Variants in SEMA5A observed in about 807,000 individuals in gnomAD.
SEMA5A encodes the protein semaphorin-5A.
A neutral mutation model predicts 135.5 loss-of-function variants in SEMA5A; 55 were observed. The ratio of observed to expected loss-of-function variants is 0.41; its 90% CI spans 0.33 to 0.51. The LOEUF is 0.51. Among genes scored for constraint, SEMA5A ranks in the 20% least tolerant of loss-of-function variants. The pLI, the probability that SEMA5A is intolerant of heterozygous loss-of-function variation, is 0.37. For synonymous variants in SEMA5A, 580 were observed against 546.5 expected, an observed-to-expected ratio of 1.06 and a Z score of -0.85; for missense variants, 1,290 against 1,419.9, an observed-to-expected ratio of 0.91 and a Z score of 1.47.
intron 1 of SEMA5A, among the ~76,000 whole-genome samples, chr5:9,475,782 C>A (rs1489214087): frequency 2.0e-5 from 3 of 152,098 alleles, no homozygotes; most frequent in Admixed American, 2.0e-4. Flanking sequence ...AAGCAAAGAA[C>A]CTGGCAATTA....
chr5:9,216,072 T>C (rs1240990601), intron 8 of SEMA5A, among the ~76,000 whole-genome samples: 2 of 152,240 alleles, frequency 1.3e-5, no homozygotes, highest in African/African-American at 4.8e-5. Flanking sequence ...TTCTTTCCAT[T>C]GTGATGGTAA....
At chr5:9,203,831 T>C (rs1454786931) in intron 8 of SEMA5A, among the ~76,000 whole-genome samples, 1 of 152,176 alleles carries the variant, frequency 6.6e-6, no homozygotes, top group Non-Finnish European at 1.5e-5. Flanking sequence ...AAAAAAAAAC[T>C]TGAATTGCAT....
intron 6 of SEMA5A, among the ~76,000 whole-genome samples, chr5:9,236,917 TAA>T (rs908723772): frequency 6.6e-6 from 1 of 151,732 alleles, no homozygotes; most frequent in African/African-American, 2.4e-5. Context: ...TGAAATTGGG[TAA>T]AAAAAAGGTA....
intron 5 of SEMA5A, among the ~76,000 whole-genome samples, chr5:9,301,566 T>C (rs1244384009): frequency 1.3e-5 from 2 of 152,098 alleles, no homozygotes; most frequent in African/African-American, 4.8e-5. Flanking sequence ...TTGGAAAGAC[T>C]CCATATGGTG....
chr5:9,273,821 C>A (rs1042872502), intron 5 of SEMA5A, among the ~76,000 whole-genome samples: 8 of 152,050 alleles, frequency 5.3e-5, no homozygotes, highest in Admixed American at 4.6e-4. Context: ...GCCTGCCCTA[C>A]AAGAGCTCCT....
At chr5:9,123,138 C>A (rs2150186859) in intron 13 of SEMA5A, among the ~76,000 whole-genome samples, 2 of 151,138 alleles carry the variant, frequency 1.3e-5, no homozygotes, top group South Asian at 2.1e-4. Flanking sequence ...CCTGTAGTCC[C>A]AGCTACTCAG....
At position 9,131,680 on chromosome 5, in the gene SEMA5A, C is replaced by T. The variant is rs139007916; in HGVS notation, c.1599+4824G>A. On this transcript the variant is annotated intron_variant, in intron 13 of 22. Coordinates refer to ENST00000382496, the MANE Select transcript of SEMA5A (RefSeq NM_003966.3). ...AAAACCTGTCATGTGAGCAATAGAG[C>T]AAGAATGCAGTCATTACTGAAGAGA... is the stretch of plus-strand genomic sequence containing the variant. Among the ~76,000 whole-genome samples, 45 of 120,714 alleles carry T rather than the reference C, an allele frequency of 3.7e-4. 1 individual carries two copies. The highest frequency in any genetic ancestry group is 1.4e-3 in the African/African-American group (42 of 29,242). The allele number at this position is 120,714 out of a possible 152,430, so 79.2% of individuals were successfully genotyped here.
intron 1 of SEMA5A, among the ~76,000 whole-genome samples, chr5:9,501,173 A>T (rs1268300438): frequency 2.0e-5 from 3 of 152,256 alleles, no homozygotes; most frequent in Non-Finnish European, 4.4e-5. Flanking sequence ...TTGGATAACA[A>T]AACACCACAG....
intron 3 of SEMA5A, among the ~76,000 whole-genome samples, chr5:9,357,135 T>TA (rs1327068357): frequency 1.3e-5 from 2 of 152,220 alleles, no homozygotes; most frequent in Non-Finnish European, 2.9e-5. Flanking sequence ...GGCAAGCCAT[T>TA]AAAAATCTCA....
At chr5:9,410,884 A>G (rs1462481708) in intron 2 of SEMA5A, among the ~76,000 whole-genome samples, 1 of 152,038 alleles carries the variant, frequency 6.6e-6, no homozygotes, top group Non-Finnish European at 1.5e-5. Context: ...AAAAAAAAAA[A>G]AGACATTCAA....
intron 3 of SEMA5A, among the ~76,000 whole-genome samples, chr5:9,353,105 A>AGGGAAGGGAAGGGAAG (rs1407226362): frequency 2.9e-5 from 1 of 34,182 alleles, no homozygotes; most frequent in African/African-American, 1.3e-4. Context: ...AAGGAAGGAA[A>AGGGAAGGGAAGGGAAG]GGAAAGGAAA....
chr5:9,270,925 A>G (rs1749941520), intron 5 of SEMA5A, among the ~76,000 whole-genome samples: 1 of 152,078 alleles, frequency 6.6e-6, no homozygotes. Context: ...TGCTAAAAAT[A>G]GGTTTTATAT....
chr5:9,118,727 C>A (rs1484124828), intron 15 of SEMA5A, among the ~76,000 whole-genome samples: 1 of 152,154 alleles, frequency 6.6e-6, no homozygotes, highest in African/African-American at 2.4e-5. Flanking sequence ...CCTAGCACAG[C>A]ACAGAGGTTC....
intron 5 of SEMA5A, among the ~76,000 whole-genome samples, chr5:9,279,062 A>G (rs935966470): frequency 1.8e-4 from 27 of 152,098 alleles, no homozygotes; most frequent in African/African-American, 6.0e-4. Flanking sequence ...AACAACTTGC[A>G]CTGTGTGTCT....
intron 5 of SEMA5A, among the ~76,000 whole-genome samples, chr5:9,272,396 G>A (rs1002655482): frequency 8.5e-5 from 13 of 152,120 alleles, no homozygotes; most frequent in Admixed American, 8.5e-4. Context: ...CACCTCCCTG[G>A]GACAGAGCAC....
chr5:9,325,876 T>G (rs1752850403), intron 4 of SEMA5A, among the ~76,000 whole-genome samples: 1 of 152,122 alleles, frequency 6.6e-6, no homozygotes, highest in South Asian at 2.1e-4. Flanking sequence ...TGCTTACAAC[T>G]GAGAAAAGAA....
chr5:9,280,611 T>C (rs1435492190), intron 5 of SEMA5A, among the ~76,000 whole-genome samples: 3 of 152,234 alleles, frequency 2.0e-5, no homozygotes, highest in Non-Finnish European at 4.4e-5. Flanking sequence ...TCCAGTTTCC[T>C]ACATTAAAAA....
intron 5 of SEMA5A, among the ~76,000 whole-genome samples, chr5:9,305,306 C>A (rs529297017): frequency 6.6e-6 from 1 of 151,996 alleles, no homozygotes; most frequent in African/African-American, 2.4e-5. Flanking sequence ...ATCTATGAAG[C>A]CTTTTGAAAT....
chr5:9,354,958 G>C (rs1754377031), intron 3 of SEMA5A, among the ~76,000 whole-genome samples: 1 of 152,174 alleles, frequency 6.6e-6, no homozygotes, highest in African/African-American at 2.4e-5. Context: ...TGTAACGAGA[G>C]ACAGGAGAGG....
Sources: allele counts gnomAD v4.1 joint callset (sites outside exome capture counted in the v4.1 genomes callset), GRCh38; gene constraint gnomAD v4.1.1; transcripts MANE v1.5; gene names NCBI Gene and HGNC (gene_info 2026-07-23, HGNC 2026-07-21).